TIMP2: variants seen among roughly 807,000 people sequenced by gnomAD.
TIMP2 encodes TIMP metallopeptidase inhibitor 2.
A neutral mutation model predicts 24.3 loss-of-function variants in TIMP2; 5 were observed. The observed-to-expected ratio is 0.21, with a 90% confidence interval of 0.11 to 0.43. TIMP2 has a LOEUF of 0.43. Among genes scored for constraint, TIMP2 ranks in the 20% least tolerant of loss-of-function variants. The pLI is 1.00. For synonymous variants in TIMP2, 130 were observed against 123.2 expected (o/e 1.06, Z -0.37); for missense variants, 221 against 297.5 (o/e 0.74, Z 1.89).
At chr17:78,917,201 G>A (rs1434877368) in intron 1 of TIMP2, among the ~76,000 whole-genome samples, 1 of 139,236 alleles carries the variant, frequency 7.2e-6, no homozygotes. Flanking sequence ...GCAGTGAGCC[G>A]AGATCCCGCC....
At chr17:78,918,347 G>A (rs1031430613) in intron 1 of TIMP2, among the ~76,000 whole-genome samples, 10 of 152,158 alleles carry the variant, frequency 6.6e-5, no homozygotes, top group South Asian at 4.1e-4. Flanking sequence ...TCATCGGGGC[G>A]GGGTCTCTGT....
rs7224825 is a variant in TIMP2, at chr17:78,855,525, G to T, written c.*142C>A. 8 of 995,538 alleles carry T rather than the reference G, an allele frequency of 8.0e-6. No homozygotes were observed. Among genetic ancestry groups the T allele is most frequent in the South Asian group, 1.6e-5 (1 of 61,392 alleles). 61.7% of individuals were successfully genotyped at this position (995,538 alleles called of 1,614,324 possible). A position where few individuals can be genotyped will look rare whatever the true frequency, so the allele number is the denominator to read the frequency against. ...CCACAACCATGTCTAAAAGGAGAAG[G>T]GGGGAGCAGAATCATATTAATTTGG... On this transcript the variant is annotated 3_prime_UTR_variant, in exon 5 of 5. Coordinates refer to ENST00000262768, the MANE Select transcript of TIMP2 (RefSeq NM_003255.5). This position sits in a 1 kb window ranked among gnomAD's most constrained non-coding sequence, Gnocchi z 6.0.
At chr17:78,913,287 T>C (rs975005699) in intron 1 of TIMP2, among the ~76,000 whole-genome samples, 9 of 152,184 alleles carry the variant, frequency 5.9e-5, no homozygotes, top group African/African-American at 2.2e-4. Context: ...TGAACCCACG[T>C]TGAGGCCCTA....
intron 1 of TIMP2, among the ~76,000 whole-genome samples, chr17:78,914,083 C>G (rs928204766): frequency 1.3e-5 from 2 of 151,996 alleles, no homozygotes; most frequent in African/African-American, 4.8e-5. Context: ...GCGGAAGGGA[C>G]GGCTTCCTCT....
chr17:78,910,713 C>T (rs1230306717), intron 1 of TIMP2, among the ~76,000 whole-genome samples: 1 of 152,054 alleles, frequency 6.6e-6, no homozygotes, highest in Non-Finnish European at 1.5e-5. Context: ...ACTTTCTGTT[C>T]CTGGCTTATT....
intron 1 of TIMP2, among the ~76,000 whole-genome samples, chr17:78,887,173 C>T (rs1390796886): frequency 6.6e-6 from 1 of 152,198 alleles, no homozygotes; most frequent in African/African-American, 2.4e-5. Flanking sequence ...GTTGGTTCCA[C>T]GAGCTTCGCA....
chr17:78,891,206 T>C lies in TIMP2; in HGVS notation c.131-17287A>G. The C allele has an allele frequency of 6.4e-7, 1 of 1,550,720 alleles. No individual in the cohort carries two copies. The highest frequency in any genetic ancestry group is 8.7e-7 in the Non-Finnish European group (1 of 1,147,024). On this transcript the variant is annotated intron_variant, in intron 1 of 4. Coordinates refer to ENST00000262768, the MANE Select transcript of TIMP2 (RefSeq NM_003255.5). This position sits in a 1 kb window ranked among gnomAD's most constrained non-coding sequence, Gnocchi z 4.5. ...GGGCTTGACCGTGCCCTGATATTTT[T>C]GGTTCTGGGCCTTGCCCATGAACGT... is the stretch of plus-strand genomic sequence containing the variant.
rs535818197 is a variant in TIMP2, at chr17:78,890,871, G to T, written c.131-16952C>A. ...AGATGGGCCAGTCGAGCTCTTCTTT[G>T]CTCCCTCCTCTCTTTTTCTAGCTCA... On this transcript the variant is annotated intron_variant, in intron 1 of 4. Transcript: ENST00000262768. The T allele has an allele frequency of 1.8e-4, 281 of 1,550,604 alleles. No individual in the cohort carries two copies. The African/African-American group carries it at 3.7e-3, about 20-fold the overall frequency.
chr17:78,902,066 C>A (rs2070102159), intron 1 of TIMP2: 1 of 509,308 alleles, frequency 2.0e-6, no homozygotes, highest in Non-Finnish European at 3.5e-6. Flanking sequence ...CCTCTTCTCC[C>A]CAACTCTTAG....
In TIMP2 at chr17:78,853,274, T is replaced by C. The variant is rs1242822869; in HGVS notation, c.*2393A>G. On this transcript the variant is annotated 3_prime_UTR_variant, in exon 5 of 5. Coordinates refer to ENST00000262768, the MANE Select transcript of TIMP2 (RefSeq NM_003255.5). ...AATGTAAACTTTATTTTAAATATTT[T>C]GAGTTGCTTGCAGGATGAAAATAGG... 6.6e-6 allele frequency: 1 copy of C among 152,646 alleles called. No homozygotes were observed. The highest frequency in any genetic ancestry group is 1.5e-5 in the Non-Finnish European group (1 of 68,050). 9.5% of individuals were successfully genotyped at this position (152,646 alleles called of 1,614,324 possible).
intron 1 of TIMP2, among the ~76,000 whole-genome samples, chr17:78,879,791 C>A (rs1042115467): frequency 6.6e-6 from 1 of 152,178 alleles, no homozygotes; most frequent in Non-Finnish European, 1.5e-5. Flanking sequence ...AATGTACAAC[C>A]GTCGGCTGAA....
At chr17:78,894,086 A>G (rs1385926254) in intron 1 of TIMP2, among the ~76,000 whole-genome samples, 1 of 152,176 alleles carries the variant, frequency 6.6e-6, no homozygotes, top group Non-Finnish European at 1.5e-5. Context: ...GTCAGAAAAT[A>G]CTGCATCTAC....
rs117842804 is a variant in TIMP2 at position 78,858,508 on chromosome 17, T to G, written c.341-862A>C. Among the ~76,000 whole-genome samples the G allele has an allele frequency of 6.7e-3, 1,023 of 152,172 alleles. 16 individuals are homozygous for G. Among genetic ancestry groups the G allele is most frequent in the East Asian group, 0.044 (227 of 5,178 alleles). On this transcript the variant is annotated intron_variant, in intron 3 of 4. Coordinates refer to ENST00000262768, the MANE Select transcript of TIMP2 (RefSeq NM_003255.5). ...TCATTACCCACAGCTAATATTTTGA[T>G]GTATTTCCTTCCAATATTCCACTAT...
chr17:78,923,381 G>A (rs1355930212), intron 1 of TIMP2, among the ~76,000 whole-genome samples: 1 of 133,544 alleles, frequency 7.5e-6, no homozygotes, highest in Non-Finnish European at 1.6e-5. Flanking sequence ...TGAGGAGTGT[G>A]TGTGTGGGGC....
At chr17:78,906,561 CT>C (rs1287131218) in intron 1 of TIMP2, among the ~76,000 whole-genome samples, 1 of 151,608 alleles carries the variant, frequency 6.6e-6, no homozygotes, top group African/African-American at 2.4e-5. Flanking sequence ...GTGGCAATTT[CT>C]TTTTTTTCCT....
chr17:78,924,912 CGGG>C lies in TIMP2; in HGVS notation c.130+44_130+46del, dbSNP rs1392692321. On this transcript the variant is annotated intron_variant, in intron 1 of 4. Transcript: ENST00000262768. This position sits in a 1 kb window ranked among gnomAD's most constrained non-coding sequence, Gnocchi z 5.3. ...GGGCGTCTGCGAACCCTCGGGGTCG[CGGG>C]GGAGGTGGGGCCCCGCGCGGGGGCT... 7 of 1,022,516 alleles carry C rather than the reference CGGG, an allele frequency of 6.8e-6. No individual in the cohort carries two copies. The East Asian group carries it at 3.9e-4, about 57-fold the overall frequency. The allele number at this position is 1,022,516 out of a possible 1,614,324, so 63.3% of individuals were successfully genotyped here. A position where few individuals can be genotyped will look rare whatever the true frequency, so the allele number is the denominator to read the frequency against.
In TIMP2 at chr17:78,870,949, C is replaced by T. The variant is rs746899595; in HGVS notation, c.289G>A (p.Val97Met). The part of the protein sequence containing the change: ...EFIYTAPSSA[V>M]CGVSLDVGGK... ...CCAACGTCCAGCGAGACCCCACACA[C>T]TGCCGAGGAGGGGGCCGTGTAGATA... is the stretch of plus-strand genomic sequence containing the variant. Residue 97 changes from valine (V) to methionine (M), a missense_variant, in exon 3 of 5, where the codon GTG becomes ATG. Coordinates refer to ENST00000262768, the MANE Select transcript of TIMP2 (RefSeq NM_003255.5). 6.2e-7 allele frequency: 1 copy of T among 1,614,016 alleles called. No homozygotes were observed. Among genetic ancestry groups the T allele is most frequent in the South Asian group, 1.1e-5 (1 of 90,994 alleles).
intron 1 of TIMP2, chr17:78,904,778 C>T (rs887070911): frequency 6.6e-6 from 1 of 152,238 alleles, no homozygotes; most frequent in Non-Finnish European, 1.5e-5. Flanking sequence ...GGCACCATCA[C>T]TCAATCTGTT....
At chr17:78,922,950 C>T (rs2070318945) in intron 1 of TIMP2, among the ~76,000 whole-genome samples, 1 of 152,132 alleles carries the variant, frequency 6.6e-6, no homozygotes, top group African/African-American at 2.4e-5. Context: ...TCACAGCCCC[C>T]AGAAGGAACT....
Sources: gnomAD v4.1 joint callset for allele counts (sites outside exome capture counted in the v4.1 genomes callset) on GRCh38, gnomAD v4.1.1 for gene constraint, Gnocchi (gnomAD v3.1) non-coding constraint, MANE v1.5 for transcripts, NCBI Gene and HGNC (gene_info 2026-07-23, HGNC 2026-07-21) for gene names.